Variants in HPSE observed in about 807,000 individuals in gnomAD.
HPSE encodes the protein endo-glucoronidase.
A neutral mutation model predicts 65.1 loss-of-function variants in HPSE; 48 were observed. The ratio of observed to expected loss-of-function variants is 0.74; its 90% CI spans 0.58 to 0.94. The LOEUF (loss-of-function observed/expected upper bound fraction) is 0.94, where lower values mean the gene tolerates loss of function less well. HPSE is among the 40% of genes least tolerant of loss of function. HPSE has a pLI of 0.00. For synonymous variants in HPSE, 243 were observed against 260.0 expected (o/e 0.93, Z 0.63); for missense variants, 644 against 637.5 (o/e 1.01, Z -0.11).
At chr4:83,317,377 C>T (rs1736694818) in intron 3 of HPSE, among the ~76,000 whole-genome samples, 1 of 152,348 alleles carries the variant, frequency 6.6e-6, no homozygotes, top group South Asian at 2.1e-4. Context: ...AAATATTTGT[C>T]ACTACAATGA....
upstream of HPSE, chr4:83,334,858 C>T (rs1737557539): frequency 7.0e-7 from 1 of 1,436,768 alleles, no homozygotes. Context: ...TTCCTCCCGC[C>T]GAGCCCCAGC....
chr4:83,314,002 T>TA (rs1439251261), intron 3 of HPSE, among the ~76,000 whole-genome samples: 1 of 152,130 alleles, frequency 6.6e-6, no homozygotes, highest in Non-Finnish European at 1.5e-5. Context: ...CCTGTCATCC[T>TA]AGCACTTTGG....
At chr4:83,302,407 T>A (rs1409508226) in intron 9 of HPSE, 139 bp from the exon 10 acceptor site, 21 of 146,566 alleles carry the variant, frequency 1.4e-4, no homozygotes, top group Non-Finnish European at 4.1e-5. Flanking sequence ...AGGATTCATC[T>A]TTTTTTTTTT....
chr4:83,329,617 C>T (rs1737289291), intron 1 of HPSE, among the ~76,000 whole-genome samples: 1 of 152,142 alleles, frequency 6.6e-6, no homozygotes, highest in South Asian at 2.1e-4. Flanking sequence ...ATATTCTCAC[C>T]ATGGCTGATT....
intron 11 of HPSE, among the ~76,000 whole-genome samples, chr4:83,297,660 T>G (rs1321899134): frequency 6.6e-6 from 1 of 152,236 alleles, no homozygotes; most frequent in African/African-American, 2.4e-5. Flanking sequence ...CCCTGTGTTC[T>G]GTAACTTAAG....
intron 4 of HPSE, among the ~76,000 whole-genome samples, chr4:83,312,608 G>A (rs1256286764): frequency 6.7e-6 from 1 of 150,068 alleles, no homozygotes; most frequent in Non-Finnish European, 1.5e-5. Context: ...AACCTGGGAG[G>A]TGGAGCTTGC....
At chr4:83,332,621 T>G (rs1737423396) in intron 1 of HPSE, among the ~76,000 whole-genome samples, 1 of 152,194 alleles carries the variant, frequency 6.6e-6, no homozygotes, top group East Asian at 1.9e-4. Context: ...CTCTGGGAAA[T>G]GAAGAGATGT....
intron 1 of HPSE, among the ~76,000 whole-genome samples, chr4:83,323,941 C>T (rs914887970): frequency 1.3e-5 from 2 of 152,092 alleles, no homozygotes; most frequent in South Asian, 4.1e-4. Context: ...TCATACATTT[C>T]TGAAGTATCA....
chr4:83,329,583 A>G (rs1737288156), intron 1 of HPSE, among the ~76,000 whole-genome samples: 1 of 152,226 alleles, frequency 6.6e-6, no homozygotes, highest in Non-Finnish European at 1.5e-5. Context: ...TCTGCTTTTT[A>G]GTATTTGCCA....
At position 83,295,183 on chromosome 4, in the gene HPSE, A is replaced by C. The variant is rs1020806286; in HGVS notation, c.*161T>G. 2 of 481,242 alleles carry C rather than the reference A, an allele frequency of 4.2e-6. No homozygotes were observed. The highest frequency in any genetic ancestry group is 3.6e-5 in the Admixed American group (1 of 28,080). The allele number at this position is 481,242 out of a possible 1,614,324, so 29.8% of individuals were successfully genotyped here. On this transcript the variant is annotated 3_prime_UTR_variant, in exon 12 of 12. Transcript: ENST00000311412. The stretch of plus-strand genomic sequence containing the variant: ...ATTATTAGCAGTGTTCTACCTAGCG[A>C]GATCAAAATACTGTGCTAAATCTAG...
chr4:83,322,450 C>T (rs1336979741), intron 1 of HPSE, 86 bp from the exon 2 acceptor site: 16 of 1,133,080 alleles, frequency 1.4e-5, no homozygotes, highest in Non-Finnish European at 2.0e-5. Context: ...TCCTGGTGGA[C>T]CTATTTCTTA....
chr4:83,301,879 C>A (rs758209732), intron 10 of HPSE, among the ~76,000 whole-genome samples: 1 of 152,126 alleles, frequency 6.6e-6, no homozygotes, highest in Non-Finnish European at 1.5e-5. Context: ...ATCACTTGAA[C>A]CCGGGAGGCG....
At chr4:83,313,636 T>C (rs1232899761) in intron 3 of HPSE, among the ~76,000 whole-genome samples, 1 of 152,184 alleles carries the variant, frequency 6.6e-6, no homozygotes, top group African/African-American at 2.4e-5. Context: ...TAAACCCCAC[T>C]CTTCATAATC....
Position 83,322,355 on chromosome 4 carries a change from C to A in HPSE, c.237G>T (p.Lys79Asn). The change falls in exon 2 of 12, where the codon AAG becomes AAT. Residue 79 changes from lysine to asparagine, a missense_variant. By Grantham distance (94) the Lys-to-Asn change is moderately conservative. Coordinates refer to ENST00000311412, the MANE Select transcript of HPSE (RefSeq NM_001098540.3). ...PRFLILLGSP[K>N]LRTLARGLSP... is the part of the protein sequence containing the mutation. ...ACAAGCCTCTGGCCAAGGTACGAAG[C>A]TTTGGAGAACTGTTAGGAAGACAAG... is the stretch of plus-strand genomic sequence containing the variant. 2 of 1,609,946 alleles carry A rather than the reference C, an allele frequency of 1.2e-6. No homozygotes were observed. The highest frequency in any genetic ancestry group is 1.1e-5 in the South Asian group (1 of 90,068).
chr4:83,335,131 G>GAGCGCCCGGGGAGC (rs1737568573), upstream of HPSE: 1 of 233,948 alleles, frequency 4.3e-6, no homozygotes, highest in African/African-American at 2.3e-5. Flanking sequence ...GCCCGGGGAG[G>GAGCGCCCGGGGAGC]AGCGCCCGGG....
intron 1 of HPSE, among the ~76,000 whole-genome samples, chr4:83,329,733 G>C (rs1737293054): frequency 6.6e-6 from 1 of 152,016 alleles, no homozygotes; most frequent in Admixed American, 6.6e-5. Flanking sequence ...AACATTATCT[G>C]TTATAAAAAA....
At position 83,326,131 on chromosome 4, in the gene HPSE, C is replaced by T. The variant is rs935118190; in HGVS notation, c.228-3767G>A. 1.3e-5 allele frequency among the ~76,000 whole-genome samples: 2 copies of T among 152,124 alleles called. No individual in the cohort carries two copies. Among genetic ancestry groups the T allele is most frequent in the Non-Finnish European group, 2.9e-5 (2 of 68,038 alleles). On this transcript the variant is annotated intron_variant, in intron 1 of 11. Transcript: ENST00000311412. The surrounding 1 kb of genome is among the most constrained non-coding windows in gnomAD (Gnocchi z 4.2). ...TCTGGTCATGTTAACGTAGACAAAA[C>T]GTGATGGACTGAGGTAAGGTAACAG...
At chr4:83,309,234 TG>T (rs1214700132) in intron 7 of HPSE, among the ~76,000 whole-genome samples, 167 bp downstream of exon 7, 3 of 152,238 alleles carry the variant, frequency 2.0e-5, no homozygotes, top group African/African-American at 7.2e-5. Flanking sequence ...ATCACGTACA[TG>T]GGGTAAGACC....
intron 11 of HPSE, among the ~76,000 whole-genome samples, chr4:83,298,361 A>G (rs1735807456): frequency 6.6e-6 from 1 of 152,182 alleles, no homozygotes; most frequent in South Asian, 2.1e-4. Flanking sequence ...CTCAGCCCAG[A>G]TGAGGTGGGT....
Sources: allele counts gnomAD v4.1 joint callset (sites outside exome capture counted in the v4.1 genomes callset), GRCh38; gene constraint gnomAD v4.1.1; non-coding constraint Gnocchi (gnomAD v3.1); transcripts MANE v1.5; gene names NCBI Gene and HGNC (gene_info 2026-07-23, HGNC 2026-07-21).